The following SNCAIP variants were observed in gnomAD, a reference collection of about 807,000 sequenced individuals.
The protein encoded by SNCAIP is synuclein alpha interacting protein, also known as synphilin-1.
A neutral mutation model predicts 86.7 loss-of-function variants in SNCAIP; 43 were observed. The observed-to-expected ratio is 0.50, with a 90% CI of 0.39 to 0.64. The LOEUF (loss-of-function observed/expected upper bound fraction) is 0.64, where lower values mean the gene tolerates loss of function less well. Among genes scored for constraint, SNCAIP ranks in the 30% least tolerant of loss-of-function variants. The probability of loss-of-function intolerance (pLI) is 0.00; values close to 1 mark genes in which losing one functional copy is unlikely to be tolerated. For synonymous variants in SNCAIP, 417 were observed against 427.2 expected, an observed-to-expected ratio of 0.98 and a Z score of 0.29; for missense variants, 981 against 1,103.1, an observed-to-expected ratio of 0.89 and a Z score of 1.57.
intron 1 of SNCAIP, among the ~76,000 whole-genome samples, chr5:122,319,711 A>G (rs1752545543): frequency 6.6e-6 from 1 of 152,238 alleles, no homozygotes; most frequent in Non-Finnish European, 1.5e-5. Flanking sequence ...TTAAAAGCTG[A>G]TGCAGAAGGA....
intron 1 of SNCAIP, among the ~76,000 whole-genome samples, chr5:122,385,694 TG>T (rs1767990111): frequency 6.6e-6 from 1 of 151,962 alleles, no homozygotes; most frequent in Non-Finnish European, 1.5e-5. Flanking sequence ...TGTGTGTGTG[TG>T]TGTGTGTGTG....
intron 2 of SNCAIP, 101 bp downstream of exon 2, chr5:122,391,292 C>T: frequency 3.4e-6 from 3 of 884,492 alleles, no homozygotes; most frequent in Non-Finnish European, 5.7e-6. Flanking sequence ...ACTTTTCTGA[C>T]TACATTTAGA....
chr5:122,432,868 G>A (rs759770407), intron 6 of SNCAIP, among the ~76,000 whole-genome samples: 1 of 152,108 alleles, frequency 6.6e-6, no homozygotes, highest in South Asian at 2.1e-4. Context: ...TAATAGTACT[G>A]TGTTAAAATA....
intron 1 of SNCAIP, among the ~76,000 whole-genome samples, chr5:122,358,113 T>C (rs535233002): frequency 6.6e-6 from 1 of 151,636 alleles, no homozygotes; most frequent in East Asian, 2.0e-4. Flanking sequence ...TCCATACCCC[T>C]AAACAGAGTT....
At chr5:122,422,101 G>C (rs564206245) in intron 3 of SNCAIP, among the ~76,000 whole-genome samples, 1 of 151,888 alleles carries the variant, frequency 6.6e-6, no homozygotes, top group Non-Finnish European at 1.5e-5. Context: ...AACAATGGAG[G>C]GCAGTATTGA....
chr5:122,432,010 A>G lies in SNCAIP; in HGVS notation c.1224A>G (p.Thr408=). The G allele has an allele frequency of 6.2e-7, 1 of 1,608,104 alleles. No homozygotes were observed. Among genetic ancestry groups the G allele is most frequent in the Non-Finnish European group, 8.5e-7 (1 of 1,174,732 alleles). The change falls in exon 6 of 11, where the codon ACA becomes ACG. Residue 408 remains threonine (T), a synonymous_variant. Coordinates refer to ENST00000261368, the MANE Select transcript of SNCAIP (RefSeq NM_005460.4). The part of the protein sequence containing the change: ...LECVRWMVSE[T]EAIAELSCSK... The stretch of plus-strand genomic sequence containing the variant: ...GCGTACGCTGGATGGTGAGCGAAAC[A>G]GAAGCCATTGCAGAACTGAGTTGTT...
chr5:122,336,219 A>G lies in SNCAIP; in HGVS notation c.-47+23935A>G, dbSNP rs74662104. Among the ~76,000 whole-genome samples, 1,271 of 152,342 alleles carry G rather than the reference A, an allele frequency of 8.3e-3. 12 individuals carry two copies. The highest frequency in any genetic ancestry group is 0.028 in the African/African-American group (1,180 of 41,580). ...GAGAGAGAGAGTGTGTAACAGATAC[A>G]CAGAATGAGACACTTTCAGTCTTAT... On this transcript the variant is annotated intron_variant, in intron 1 of 10. Transcript: ENST00000261368.
rs148656566 is a variant in SNCAIP at position 122,460,273 on chromosome 5, C to T, written c.2755-3218C>T. On this transcript the variant is annotated intron_variant, in intron 10 of 10. Transcript: ENST00000261368. ...AGCAGCTAGAACTACCAGCATGTGCCACCCCACCCAGCCAAGCAGATACTA... is the reference window on the plus strand; with the variant it reads ...AGCAGCTAGAACTACCAGCATGTGCTACCCCACCCAGCCAAGCAGATACTA... Among the ~76,000 whole-genome samples the T allele has an allele frequency of 3.8e-3, 580 of 152,116 alleles. 4 individuals are homozygous for T. Among genetic ancestry groups the T allele is most frequent in the African/African-American group, 0.013 (531 of 41,480 alleles).
intron 1 of SNCAIP, among the ~76,000 whole-genome samples, chr5:122,355,564 T>C (rs750741185): frequency 4.6e-5 from 7 of 152,214 alleles, no homozygotes; most frequent in Admixed American, 2.0e-4. Flanking sequence ...TTTCCTCTCG[T>C]TGTCTTTGAA....
chr5:122,346,952 T>TATAATG (rs1473974255), intron 1 of SNCAIP, among the ~76,000 whole-genome samples: 2 of 152,034 alleles, frequency 1.3e-5, no homozygotes, highest in African/African-American at 4.8e-5. Flanking sequence ...CAATTATAGA[T>TATAATG]ATAATGAAAG....
intron 1 of SNCAIP, among the ~76,000 whole-genome samples, chr5:122,356,821 G>T (rs1359918368): frequency 3.3e-5 from 5 of 152,148 alleles, no homozygotes; most frequent in Non-Finnish European, 5.9e-5. Flanking sequence ...CTCTAAACAA[G>T]CCACTGAAGT....
At chr5:122,373,098 C>T (rs1764585259) in intron 1 of SNCAIP, among the ~76,000 whole-genome samples, 3 of 152,134 alleles carry the variant, frequency 2.0e-5, no homozygotes, top group African/African-American at 7.2e-5. Context: ...GTACTTTCAA[C>T]CTCTGGCTTT....
At chr5:122,460,249 G>T (rs1785837605) in intron 10 of SNCAIP, among the ~76,000 whole-genome samples, 1 of 151,848 alleles carries the variant, frequency 6.6e-6, no homozygotes, top group South Asian at 2.1e-4. Context: ...AGCCTCCTGA[G>T]CAGCTAGAAC....
chr5:122,355,184 A>T (rs1387199854), intron 1 of SNCAIP, among the ~76,000 whole-genome samples: 2 of 152,204 alleles, frequency 1.3e-5, no homozygotes, highest in Non-Finnish European at 2.9e-5. Context: ...CACATAACAA[A>T]TTCAACTTAG....
chr5:122,427,121 A>G (rs936470861), intron 5 of SNCAIP, among the ~76,000 whole-genome samples: 1 of 152,190 alleles, frequency 6.6e-6, no homozygotes, highest in Non-Finnish European at 1.5e-5. Context: ...TACAGTTCTC[A>G]TTAGTCTTCC....
chr5:122,356,798 C>T (rs1761100514), intron 1 of SNCAIP, among the ~76,000 whole-genome samples: 1 of 152,206 alleles, frequency 6.6e-6, no homozygotes, highest in Non-Finnish European at 1.5e-5. Context: ...CCTGAGTCTG[C>T]CCGCTAGTAT....
At chr5:122,351,762 G>A (rs551343208) in intron 1 of SNCAIP, among the ~76,000 whole-genome samples, 7 of 151,998 alleles carry the variant, frequency 4.6e-5, no homozygotes, top group East Asian at 1.9e-4. Flanking sequence ...TGACCTCATC[G>A]GGGAAGGCTG....
At chr5:122,372,977 A>G (rs1764560553) in intron 1 of SNCAIP, among the ~76,000 whole-genome samples, 1 of 152,112 alleles carries the variant, frequency 6.6e-6, no homozygotes, top group African/African-American at 2.4e-5. Context: ...TACTTGTATA[A>G]ATCTCTGTCA....
intron 6 of SNCAIP, among the ~76,000 whole-genome samples, chr5:122,440,011 T>C (rs566265207): frequency 6.6e-6 from 1 of 152,316 alleles, no homozygotes; most frequent in South Asian, 2.1e-4. Flanking sequence ...AATCTTTACC[T>C]TAAGACACCA....
Sources: allele counts gnomAD v4.1 joint callset (sites outside exome capture counted in the v4.1 genomes callset), GRCh38; gene constraint gnomAD v4.1.1; transcripts MANE v1.5; gene names NCBI Gene and HGNC (gene_info 2026-07-23, HGNC 2026-07-21).